PDE3A: variants seen among roughly 807,000 people sequenced by gnomAD.
PDE3A encodes cGMP-inhibited 3',5'-cyclic phosphodiesterase 3A.
In PDE3A, 43 loss-of-function variants were observed where a neutral mutation model predicts 98.3. The ratio of observed to expected loss-of-function variants is 0.44; its 90% CI spans 0.34 to 0.56. The LOEUF (loss-of-function observed/expected upper bound fraction) is 0.56, where lower values mean the gene tolerates loss of function less well. PDE3A is among the 20% of genes least tolerant of loss of function. PDE3A has a pLI of 0.01. For missense variants in PDE3A, 1,427 were observed against 1,440.7 expected (o/e 0.99, Z 0.15); for synonymous variants, 663 against 567.9 (o/e 1.17, Z -2.38).
At chr12:20,558,817 A>G (rs1942437765) in intron 2 of PDE3A, among the ~76,000 whole-genome samples, 1 of 152,082 alleles carries the variant, frequency 6.6e-6, no homozygotes, top group Admixed American at 6.6e-5. Flanking sequence ...TTCAAGGGGA[A>G]CTTCAGACAA....
chr12:20,654,672 T>C (rs925223958), intron 15 of PDE3A, among the ~76,000 whole-genome samples: 1 of 133,388 alleles, frequency 7.5e-6, no homozygotes, highest in Admixed American at 7.5e-5. Context: ...TTTTTTTTTT[T>C]TTTTTTTTTT....
chr12:20,547,907 C>A (rs774136141), intron 1 of PDE3A, among the ~76,000 whole-genome samples: 3 of 152,032 alleles, frequency 2.0e-5, no homozygotes, highest in Non-Finnish European at 4.4e-5. Flanking sequence ...TTGGATAGAA[C>A]CTTTTTGTTT....
intron 1 of PDE3A, among the ~76,000 whole-genome samples, chr12:20,385,007 T>A (rs61911345): frequency 0.033 from 5,066 of 152,196 alleles, 93 homozygotes; most frequent in African/African-American, 0.043. Flanking sequence ...TGCACGTATT[T>A]TTATAATAGA....
intron 1 of PDE3A, among the ~76,000 whole-genome samples, chr12:20,422,129 T>G (rs10841517): frequency 0.19 from 28,950 of 152,044 alleles, 3,190 homozygotes; most frequent in Middle Eastern, 0.27. Context: ...GGCGGATCAC[T>G]AGGTCAGGAG....
At chr12:20,383,035 A>G (rs919907363) in intron 1 of PDE3A, among the ~76,000 whole-genome samples, 4 of 151,978 alleles carry the variant, frequency 2.6e-5, no homozygotes, top group East Asian at 1.9e-4. Context: ...ATAAGGCAAC[A>G]GTAGAAGGAG....
intron 5 of PDE3A, among the ~76,000 whole-genome samples, chr12:20,623,041 A>G (rs1042905368): frequency 6.6e-6 from 1 of 152,144 alleles, no homozygotes; most frequent in African/African-American, 2.4e-5. Context: ...AATAATAGCA[A>G]TGAGAAAAGA....
chr12:20,641,867 G>C (rs1230280219), intron 10 of PDE3A, among the ~76,000 whole-genome samples: 2 of 152,104 alleles, frequency 1.3e-5, no homozygotes, highest in Non-Finnish European at 2.9e-5. Flanking sequence ...AGAAGTCCCA[G>C]ATAGTCTCCA....
intron 5 of PDE3A, among the ~76,000 whole-genome samples, chr12:20,629,583 A>T (rs186078473): frequency 6.6e-6 from 1 of 152,352 alleles, no homozygotes; most frequent in Non-Finnish European, 1.5e-5. Flanking sequence ...TATTATTTCC[A>T]TGTCAGAATG....
chr12:20,483,649 T>C (rs1322767067), intron 1 of PDE3A, among the ~76,000 whole-genome samples: 2 of 152,210 alleles, frequency 1.3e-5, no homozygotes, highest in African/African-American at 4.8e-5. Flanking sequence ...TTACTCTGTT[T>C]TTACTGTAAT....
chr12:20,467,193 A>T (rs1344804573), intron 1 of PDE3A, among the ~76,000 whole-genome samples: 1 of 152,140 alleles, frequency 6.6e-6, no homozygotes, highest in Non-Finnish European at 1.5e-5. Context: ...TTCATCTTTT[A>T]AAATTTTCTG....
At chr12:20,445,993 G>T (rs1297515122) in intron 1 of PDE3A, among the ~76,000 whole-genome samples, 2 of 151,996 alleles carry the variant, frequency 1.3e-5, no homozygotes, top group Non-Finnish European at 2.9e-5. Flanking sequence ...AGACAGCAGT[G>T]CATGGAAACA....
chr12:20,615,952 G>A (rs1419385491), intron 3 of PDE3A, among the ~76,000 whole-genome samples: 1 of 152,062 alleles, frequency 6.6e-6, no homozygotes, highest in Non-Finnish European at 1.5e-5. Context: ...TCAAACTCCT[G>A]ACCTCAGATG....
chr12:20,648,297 A>G (rs1944823901), intron 12 of PDE3A, among the ~76,000 whole-genome samples: 1 of 149,986 alleles, frequency 6.7e-6, no homozygotes, highest in African/African-American at 2.4e-5. Context: ...TTATATTTAC[A>G]TATATATGTA....
At chr12:20,370,925 T>C (rs902669444) in intron 1 of PDE3A, among the ~76,000 whole-genome samples, 9 of 152,238 alleles carry the variant, frequency 5.9e-5, no homozygotes, top group African/African-American at 1.9e-4. Flanking sequence ...GAATAATATG[T>C]CTGAACTTTG....
At position 20,467,933 on chromosome 12, in the gene PDE3A, C is replaced by CAAAAAAAAAAAA. The variant is rs60320142; in HGVS notation, c.961-88691_961-88680dup. On this transcript the variant is annotated intron_variant, in intron 1 of 15. Coordinates refer to ENST00000359062, the MANE Select transcript of PDE3A (RefSeq NM_000921.5). Reference sequence around the variant, plus strand: ...CTGGCGACAGAGCGAGACTCCTTCTCAAAAAAAAAAAAAAAAAAAAAAAAA... The same window carrying CAAAAAAAAAAAA: ...CTGGCGACAGAGCGAGACTCCTTCTCAAAAAAAAAAAAAAAAAAAAAAAAAAAAAAAAAAAAA... 6.2e-4 allele frequency among the ~76,000 whole-genome samples: 22 copies of CAAAAAAAAAAAA among 35,698 alleles called. 3 individuals are homozygous for CAAAAAAAAAAAA. Among genetic ancestry groups the CAAAAAAAAAAAA allele is most frequent in the East Asian group, 3.7e-3 (4 of 1,084 alleles). The allele number at this position is 35,698 out of a possible 152,430, so 23.4% of individuals were successfully genotyped here.
At chr12:20,494,278 T>C (rs544144015) in intron 1 of PDE3A, among the ~76,000 whole-genome samples, 92 of 152,368 alleles carry the variant, frequency 6.0e-4, no homozygotes, top group African/African-American at 2.2e-3. Context: ...AGTTTTTACA[T>C]GACCTTTAAC....
chr12:20,435,548 A>G (rs1944766465), intron 1 of PDE3A, among the ~76,000 whole-genome samples: 1 of 152,148 alleles, frequency 6.6e-6, no homozygotes, highest in Admixed American at 6.6e-5. Flanking sequence ...GTGATAGGAA[A>G]AGTACTATTA....
chr12:20,552,195 C>T lies in PDE3A; in HGVS notation c.961-4465C>T. On this transcript the variant is annotated intron_variant, in intron 1 of 15. Transcript: ENST00000359062. This position sits in a 1 kb window ranked among gnomAD's most constrained non-coding sequence, Gnocchi z 5.1. ...CTCCCATCAATGACCAAGAAGGGGC[C>T]GAGGCCAAGGACTGGCGGTCGGGGA... is the stretch of plus-strand genomic sequence containing the variant. 2 of 1,613,816 alleles carry T rather than the reference C, an allele frequency of 1.2e-6. No individual in the cohort carries two copies. The highest frequency in any genetic ancestry group is 1.3e-5 in the African/African-American group (1 of 75,010).
chr12:20,558,266 C>T (rs1592055995), intron 2 of PDE3A, among the ~76,000 whole-genome samples: 1 of 149,454 alleles, frequency 6.7e-6, no homozygotes, highest in African/African-American at 2.4e-5. Flanking sequence ...ATAAAAAGGA[C>T]AAAATTTTTA....
Sources: allele counts gnomAD v4.1 joint callset (sites outside exome capture counted in the v4.1 genomes callset), GRCh38; gene constraint gnomAD v4.1.1; non-coding constraint Gnocchi (gnomAD v3.1); transcripts MANE v1.5; gene names NCBI Gene and HGNC (gene_info 2026-07-23, HGNC 2026-07-21).